The following ME2 variants were observed in gnomAD, a reference collection of about 807,000 sequenced individuals.
ME2 encodes the protein malic enzyme 2.
A neutral mutation model predicts 73.7 loss-of-function variants in ME2; 60 were observed. The ratio of observed to expected loss-of-function variants is 0.81; its 90% CI spans 0.66 to 1.01. The LOEUF (loss-of-function observed/expected upper bound fraction) is 1.01. ME2 is among the 50% of genes least tolerant of loss of function. ME2 has a pLI of 0.00. For missense variants in ME2, 594 were observed against 705.5 expected, an observed-to-expected ratio of 0.84 and a Z score of 1.79; for synonymous variants, 199 against 236.9, an observed-to-expected ratio of 0.84 and a Z score of 1.47.
chr18:50,927,439 G>T (rs561938735), intron 12 of ME2, among the ~76,000 whole-genome samples: 3 of 151,912 alleles, frequency 2.0e-5, no homozygotes, highest in African/African-American at 7.2e-5. Context: ...GGTGGCTCAC[G>T]CCTGTAATCC....
intron 1 of ME2, among the ~76,000 whole-genome samples, chr18:50,893,106 C>T (rs1049183428): frequency 1.1e-4 from 13 of 121,552 alleles, no homozygotes; most frequent in African/African-American, 4.6e-4. Context: ...GCCTGGGCAA[C>T]TGGGTAAGAC....
At chr18:50,941,296 C>G (rs1442312142) in intron 15 of ME2, among the ~76,000 whole-genome samples, 1 of 143,324 alleles carries the variant, frequency 7.0e-6, no homozygotes, top group African/African-American at 2.6e-5. Context: ...AAAGAAATAA[C>G]AGCGTAATGA....
intron 5 of ME2, 160 bp from the exon 6 acceptor site, chr18:50,917,187 A>T: frequency 3.6e-6 from 2 of 552,334 alleles, no homozygotes; most frequent in Non-Finnish European, 6.3e-6. Flanking sequence ...CTAGAATTTT[A>T]AGTATGCTTT....
At chr18:50,914,044 T>G (rs959684239) in intron 4 of ME2, among the ~76,000 whole-genome samples, 7 of 152,166 alleles carry the variant, frequency 4.6e-5, no homozygotes, top group African/African-American at 1.7e-4. Context: ...CTTTCAAACT[T>G]TAATGTGTGT....
At chr18:50,905,604 T>G (rs1002766093) in intron 2 of ME2, among the ~76,000 whole-genome samples, 1 of 152,270 alleles carries the variant, frequency 6.6e-6, no homozygotes, top group South Asian at 2.1e-4. Context: ...TCAAATACAT[T>G]TAAGATACAC....
At chr18:50,909,259 A>G (rs944212427) in intron 3 of ME2, among the ~76,000 whole-genome samples, 8 of 152,178 alleles carry the variant, frequency 5.3e-5, no homozygotes, top group African/African-American at 1.9e-4. Flanking sequence ...CCACTGCACC[A>G]GGCAGCAAAC....
Position 50,917,393 on chromosome 18 carries a change from T to C in ME2, c.515T>C (p.Leu172Pro). Residue 172 changes from leucine (L) to proline (P), a missense_variant, in exon 6 of 16, where the codon CTG (leucine) becomes CCG (proline). Leu to Pro is a moderately conservative substitution (Grantham distance 98). Coordinates refer to ENST00000321341, the MANE Select transcript of ME2 (RefSeq NM_002396.5). Reference protein sequence around the residue: ...DGERILGLGDLGVYGMGIPVG... With the variant: ...DGERILGLGDPGVYGMGIPVG... ...GAGAGAATTCTGGGTCTTGGAGATC[T>C]GGGTGTCTATGGAATGGGAATTCCA... is the stretch of plus-strand genomic sequence containing the variant. 6.2e-7 allele frequency: 1 copy of C among 1,613,800 alleles called. No homozygotes were observed. The highest frequency in any genetic ancestry group is 8.5e-7 in the Non-Finnish European group (1 of 1,179,772).
At chr18:50,892,338 G>A (rs1355465151) in intron 1 of ME2, among the ~76,000 whole-genome samples, 2 of 152,126 alleles carry the variant, frequency 1.3e-5, no homozygotes, top group Non-Finnish European at 2.9e-5. Context: ...TTGTGCCACT[G>A]CACTCTAGCC....
At chr18:50,930,310 A>ATTCT (rs1396136629) in intron 12 of ME2, among the ~76,000 whole-genome samples, 2 of 152,166 alleles carry the variant, frequency 1.3e-5, no homozygotes, top group African/African-American at 4.8e-5. Context: ...TTTTACATAA[A>ATTCT]TTCTTTCTTA....
chr18:50,910,268 CAAAA>C (rs74176794), intron 3 of ME2, among the ~76,000 whole-genome samples: 3 of 35,288 alleles, frequency 8.5e-5, no homozygotes, highest in Admixed American at 7.9e-4. Context: ...CCTGTTTCTA[CAAAA>C]AAAAAAAAAA....
intron 3 of ME2, among the ~76,000 whole-genome samples, chr18:50,909,814 C>T (rs1917103809): frequency 6.6e-6 from 1 of 151,966 alleles, no homozygotes; most frequent in Non-Finnish European, 1.5e-5. Context: ...GAGGAATGAG[C>T]CCAGGAGAAA....
At chr18:50,928,386 C>T (rs1478682398) in intron 12 of ME2, among the ~76,000 whole-genome samples, 3 of 151,684 alleles carry the variant, frequency 2.0e-5, no homozygotes, top group Non-Finnish European at 4.4e-5. Flanking sequence ...GCTGGGTGCC[C>T]GCCACCATGC....
intron 2 of ME2, among the ~76,000 whole-genome samples, chr18:50,899,857 A>G (rs1916844614): frequency 6.6e-6 from 1 of 152,140 alleles, no homozygotes; most frequent in African/African-American, 2.4e-5. Flanking sequence ...ATCTTACCCC[A>G]CAGTACTTAG....
At chr18:50,892,785 A>T (rs578196876) in intron 1 of ME2, among the ~76,000 whole-genome samples, 1 of 152,192 alleles carries the variant, frequency 6.6e-6, no homozygotes, top group African/African-American at 2.4e-5. Flanking sequence ...TTTTTATTCT[A>T]AGAAAAACAA....
rs1224047485 is a variant in ME2, at chr18:50,912,867, C to T, written c.309C>T (p.Asp103=). Residue 103 remains aspartate (D), a synonymous_variant, in exon 4 of 16, where the codon GAC becomes GAT. Coordinates refer to ENST00000321341, the MANE Select transcript of ME2 (RefSeq NM_002396.5). The part of the protein sequence containing the change: ...EKLFYRILQD[D]IESLMPIVYT... ...TGTTTTATAGAATACTGCAAGATGA[C>T]ATTGAGAGTTTAATGCCAATTGTAT... 1.2e-6 allele frequency: 2 copies of T among 1,609,174 alleles called. No individual in the cohort carries two copies. The highest frequency in any genetic ancestry group is 1.7e-5 in the Admixed American group (1 of 59,618).
chr18:50,920,826 A>T, intron 9 of ME2, 68 bp downstream of exon 9: 1 of 1,217,694 alleles, frequency 8.2e-7, no homozygotes, highest in Non-Finnish European at 1.2e-6. Context: ...TGGGCAGAAT[A>T]TTGATGTTTA....
chr18:50,917,203 T>C, intron 5 of ME2, 144 bp from the exon 6 acceptor site: 1 of 607,230 alleles, frequency 1.6e-6, no homozygotes. Flanking sequence ...GCTTTGTTGG[T>C]TTACATTGGA....
rs191489002 is a variant in ME2, at chr18:50,901,763, C to G, written c.108+5835C>G. On this transcript the variant is annotated intron_variant, in intron 2 of 15. Transcript: ENST00000321341. ...TTTTTCACTTTTGTTCTTCCTGCCTCTGTGTTGGCTGCCTTAGCAAGAGAG... is the reference window on the plus strand; with the variant it reads ...TTTTTCACTTTTGTTCTTCCTGCCTGTGTGTTGGCTGCCTTAGCAAGAGAG... Among the ~76,000 whole-genome samples, 986 of 152,262 alleles carry G rather than the reference C, an allele frequency of 6.5e-3. 10 individuals carry two copies. Among genetic ancestry groups the G allele is most frequent in the African/African-American group, 0.023 (953 of 41,556 alleles).
intron 13 of ME2, chr18:50,933,229 C>T (rs1032936851): frequency 2.6e-5 from 4 of 152,144 alleles, no homozygotes; most frequent in Admixed American, 6.5e-5. Flanking sequence ...TCAGTTGTCT[C>T]TTTCTTTTAA....
Sources: allele counts gnomAD v4.1 joint callset (sites outside exome capture counted in the v4.1 genomes callset), GRCh38; gene constraint gnomAD v4.1.1; transcripts MANE v1.5; gene names NCBI Gene and HGNC (gene_info 2026-07-23, HGNC 2026-07-21).